The following DOCK2 variants were observed in gnomAD, a reference collection of about 807,000 sequenced individuals.
DOCK2 encodes the protein dedicator of cytokinesis protein 2.
A neutral mutation model predicts 248.9 loss-of-function variants in DOCK2; 87 were observed. That is an observed-to-expected ratio of 0.35 (90% CI 0.29 to 0.42). The LOEUF (loss-of-function observed/expected upper bound fraction) is 0.42. Among genes scored for constraint, DOCK2 ranks in the 10% least tolerant of loss-of-function variants. DOCK2 has a pLI of 1.00. For synonymous variants in DOCK2, 805 were observed against 821.6 expected (o/e 0.98, Z 0.35); for missense variants, 1,747 against 2,300.2 (o/e 0.76, Z 4.92).
chr5:169,893,954 T>C (rs925526787), intron 27 of DOCK2, among the ~76,000 whole-genome samples: 3 of 151,108 alleles, frequency 2.0e-5, no homozygotes, highest in African/African-American at 7.2e-5. Flanking sequence ...GTAGATTGTC[T>C]AAAGAAATTA....
At chr5:169,719,858 T>C (rs1561634198) in intron 22 of DOCK2, among the ~76,000 whole-genome samples, 1 of 151,916 alleles carries the variant, frequency 6.6e-6, no homozygotes, top group Non-Finnish European at 1.5e-5. Context: ...CTTGTTATTT[T>C]AGAGATGAGT....
intron 25 of DOCK2, among the ~76,000 whole-genome samples, chr5:169,778,143 A>G (rs568817541): frequency 1.6e-4 from 24 of 152,220 alleles, no homozygotes; most frequent in African/African-American, 4.8e-4. Flanking sequence ...CTCAGTTACT[A>G]TTTCTGGAGT....
intron 1 of DOCK2, among the ~76,000 whole-genome samples, chr5:169,640,527 G>T (rs769712427): frequency 5.9e-5 from 9 of 152,200 alleles, no homozygotes; most frequent in Non-Finnish European, 1.2e-4. Flanking sequence ...GTACTCAAAG[G>T]GTTGGTTTGA....
At chr5:170,065,026 C>CA (rs924487993) in intron 44 of DOCK2, among the ~76,000 whole-genome samples, 44 of 149,100 alleles carry the variant, frequency 3.0e-4, no homozygotes, top group African/African-American at 8.4e-4. Context: ...GATTTAAAGG[C>CA]AAAAAAAATA....
chr5:169,928,194 C>T (rs534164742), intron 27 of DOCK2, among the ~76,000 whole-genome samples: 20 of 152,188 alleles, frequency 1.3e-4, no homozygotes, highest in Non-Finnish European at 2.6e-4. Context: ...CAAGGCCAAA[C>T]CAATATTGAC....
At chr5:169,951,410 C>T (rs1381582502) in intron 27 of DOCK2, among the ~76,000 whole-genome samples, 1 of 152,192 alleles carries the variant, frequency 6.6e-6, no homozygotes, top group Non-Finnish European at 1.5e-5. Flanking sequence ...TCCAGATCTT[C>T]TGGATACCAT....
At chr5:170,048,863 G>C (rs902949421) in intron 40 of DOCK2, among the ~76,000 whole-genome samples, 5 of 152,128 alleles carry the variant, frequency 3.3e-5, no homozygotes, top group African/African-American at 9.7e-5. Flanking sequence ...TCAACTCTGG[G>C]GTGAGGGAAA....
In DOCK2 at chr5:170,055,349, A is replaced by G. The variant is rs1161835485; in HGVS notation, c.4258A>G (p.Arg1420Gly). ...TVQPVLDEHP[R>G]FKNKPVPDQI... is the part of the protein sequence containing the mutation. Reference sequence around the variant, plus strand: ...CCAGCCTGTCTTGGATGAACATCCCAGGTTCAAGAATAAGCCAGTGCCTGA... The same window carrying G: ...CCAGCCTGTCTTGGATGAACATCCCGGGTTCAAGAATAAGCCAGTGCCTGA... Residue 1420 changes from arginine to glycine, a missense_variant, in exon 42 of 52, where the codon AGG (arginine) becomes GGG (glycine). This residue lies in a region of DOCK2 where 513 missense variants were observed against 586.1 expected (regional missense o/e 0.88). Transcript: ENST00000520908. The G allele has an allele frequency of 4.3e-6, 7 of 1,614,008 alleles. No individual in the cohort carries two copies. Among genetic ancestry groups the G allele is most frequent in the African/African-American group, 1.3e-5 (1 of 74,934 alleles).
intron 33 of DOCK2, among the ~76,000 whole-genome samples, chr5:170,025,953 C>T (rs535526430): frequency 1.3e-5 from 2 of 152,156 alleles, no homozygotes; most frequent in African/African-American, 4.8e-5. Context: ...TTTGCTCACA[C>T]CGTTTCCCCC....
chr5:169,807,197 T>C lies in DOCK2; in HGVS notation c.2703+3991T>C, dbSNP rs74426223. Reference sequence around the variant, plus strand: ...GTGGGGCACTGCAATGAAAAGGTGATGATTACCAGGTGATGCTAACTGTCA... The same window carrying C: ...GTGGGGCACTGCAATGAAAAGGTGACGATTACCAGGTGATGCTAACTGTCA... On this transcript the variant is annotated intron_variant, in intron 26 of 51. Coordinates refer to ENST00000520908, the MANE Select transcript of DOCK2 (RefSeq NM_004946.3). 8.0e-3 allele frequency among the ~76,000 whole-genome samples: 1,213 copies of C among 152,230 alleles called. 26 individuals are homozygous for C. The highest frequency in any genetic ancestry group is 0.069 in the East Asian group (358 of 5,162).
intron 27 of DOCK2, among the ~76,000 whole-genome samples, chr5:169,959,175 G>A (rs1238971339): frequency 6.6e-6 from 1 of 152,048 alleles, no homozygotes; most frequent in African/African-American, 2.4e-5. Context: ...GGCGGATCAT[G>A]AGGTCAGGAC....
chr5:169,820,321 C>T lies in DOCK2; in HGVS notation c.2703+17115C>T, dbSNP rs574728372. Among the ~76,000 whole-genome samples the T allele has an allele frequency of 8.5e-5, 13 of 152,346 alleles. No individual in the cohort carries two copies. In the East Asian group the frequency reaches 2.1e-3, roughly 25 times the overall value. On this transcript the variant is annotated intron_variant, in intron 26 of 51. Transcript: ENST00000520908. ...AGATCTGAGAATGGACAGACTGCCT[C>T]CTCAAGTGGGTCCCTGACCCCCAAG...
At chr5:169,862,348 C>G (rs1227611366) in intron 27 of DOCK2, among the ~76,000 whole-genome samples, 1 of 152,176 alleles carries the variant, frequency 6.6e-6, no homozygotes, top group Non-Finnish European at 1.5e-5. Flanking sequence ...AATATAAATT[C>G]ACATGAAATT....
chr5:169,842,270 T>C (rs1402229454), intron 27 of DOCK2, among the ~76,000 whole-genome samples: 1 of 152,140 alleles, frequency 6.6e-6, no homozygotes, highest in African/African-American at 2.4e-5. Context: ...TACTCTTGCT[T>C]TTTTGGGCCA....
intron 27 of DOCK2, among the ~76,000 whole-genome samples, chr5:169,963,893 G>T (rs1399285096): frequency 6.6e-6 from 1 of 152,170 alleles, no homozygotes; most frequent in Non-Finnish European, 1.5e-5. Context: ...TGGGTGTGGG[G>T]TGGAGCCTGA....
At chr5:169,660,843 T>C (rs1171080765) in intron 2 of DOCK2, among the ~76,000 whole-genome samples, 3 of 152,144 alleles carry the variant, frequency 2.0e-5, no homozygotes, top group Non-Finnish European at 4.4e-5. Flanking sequence ...TTATCAGCAG[T>C]GTGTATGTGA....
At chr5:169,954,926 C>T (rs1251702605) in intron 27 of DOCK2, among the ~76,000 whole-genome samples, 2 of 152,172 alleles carry the variant, frequency 1.3e-5, no homozygotes, top group African/African-American at 4.8e-5. Context: ...GACGTTTTCA[C>T]CAGCTGTTAA....
intron 25 of DOCK2, among the ~76,000 whole-genome samples, chr5:169,778,870 A>G (rs1029642652): frequency 1.3e-5 from 2 of 152,152 alleles, no homozygotes; most frequent in Non-Finnish European, 2.9e-5. Flanking sequence ...TGATCTACCA[A>G]TCTATCTATC....
At chr5:169,805,606 G>A (rs1767311029) in intron 26 of DOCK2, among the ~76,000 whole-genome samples, 2 of 152,214 alleles carry the variant, frequency 1.3e-5, no homozygotes, top group Admixed American at 1.3e-4. Context: ...CCAGTTCACA[G>A]TTATTTGTGA....
Sources: allele counts gnomAD v4.1 joint callset (sites outside exome capture counted in the v4.1 genomes callset), GRCh38; gene constraint gnomAD v4.1.1; regional missense constraint gnomAD v4.1.1; transcripts MANE v1.5; gene names NCBI Gene and HGNC (gene_info 2026-07-23, HGNC 2026-07-21).